NAT10: variants seen among roughly 807,000 people sequenced by gnomAD.
NAT10 encodes RNA cytidine acetyltransferase.
A neutral mutation model predicts 132.2 loss-of-function variants in NAT10; 109 were observed. The observed-to-expected ratio is 0.82, with a 90% CI of 0.71 to 0.97. The LOEUF (loss-of-function observed/expected upper bound fraction) is 0.97. NAT10 is among the 50% of genes least tolerant of loss of function. The pLI is 0.00. For missense variants in NAT10, 1,184 were observed against 1,263.4 expected, an observed-to-expected ratio of 0.94 and a Z score of 0.95; for synonymous variants, 479 against 478.0, an observed-to-expected ratio of 1.00 and a Z score of -0.03.
Position 34,135,241 on chromosome 11 carries a change from G to A in NAT10, c.1978G>A (p.Glu660Lys), listed in dbSNP as rs76447770. 2.5e-5 allele frequency: 41 copies of A among 1,614,172 alleles called. No homozygotes were observed. The East Asian group carries it at 8.7e-4, about 34-fold the overall frequency. ...MYYEGRFPCLEEKVLETPQEI... is the reference protein window; with the variant it reads ...MYYEGRFPCLKEKVLETPQEI... ...CTATGAAGGCAGGTTTCCTTGTCTG[G>A]AGGAAAAGGTCCTTGAGACACCACA... Residue 660 changes from glutamate to lysine, a missense_variant, in exon 19 of 29, where the codon GAG (glutamate) becomes AAG (lysine). Coordinates refer to ENST00000257829, the MANE Select transcript of NAT10 (RefSeq NM_024662.3).
chr11:34,140,546 G>A lies in NAT10; in HGVS notation c.2566G>A (p.Asp856Asn), dbSNP rs1325851226. The change falls in exon 24 of 29, where the codon GAC becomes AAC. Residue 856 changes from aspartate (D) to asparagine (N), a missense_variant. Asp to Asn is a conservative substitution (Grantham distance 23, BLOSUM62 1). Coordinates refer to ENST00000257829, the MANE Select transcript of NAT10 (RefSeq NM_024662.3). ...CATCTATTTCCTGAACCAGCTGGGGGACCTGGCCCTGTCTGCGGCTCAGTC... is the reference window on the plus strand; with the variant it reads ...CATCTATTTCCTGAACCAGCTGGGGAACCTGGCCCTGTCTGCGGCTCAGTC... ...SRIYFLNQLG[D>N]LALSAAQSAL... 1 of 1,614,106 alleles carries A rather than the reference G, an allele frequency of 6.2e-7. No homozygotes were observed. Among genetic ancestry groups the A allele is most frequent in the South Asian group, 1.1e-5 (1 of 91,078 alleles).
At chr11:34,108,701 C>G in intron 2 of NAT10, 41 bp from the exon 3 acceptor site, 1 of 1,573,942 alleles carries the variant, frequency 6.4e-7, no homozygotes, top group Non-Finnish European at 8.7e-7. Flanking sequence ...TCTCTAAAGT[C>G]TCTTTTGTGC....
intron 8 of NAT10, among the ~76,000 whole-genome samples, chr11:34,118,985 T>C (rs1320525792): frequency 1.3e-5 from 2 of 152,160 alleles, no homozygotes; most frequent in Non-Finnish European, 2.9e-5. Flanking sequence ...GAAATTTCAG[T>C]TAAGTTTTGA....
Position 34,112,180 on chromosome 11 carries a change from C to T in NAT10, c.329C>T (p.Thr110Ile). Residue 110 changes from threonine (T) to isoleucine (I), a missense_variant, in exon 4 of 29, where the codon ACC (threonine) becomes ATC (isoleucine). Coordinates refer to ENST00000257829, the MANE Select transcript of NAT10 (RefSeq NM_024662.3). ...TNIRYCYYNE[T>I]HKILGNTFGM... ...ATTCGCTACTGCTACTACAACGAGA[C>T]CCACAAGATCCTGGGCAATACCTTC... is the stretch of plus-strand genomic sequence containing the variant. The T allele has an allele frequency of 6.2e-7, 1 of 1,614,248 alleles. No homozygotes were observed. Among genetic ancestry groups the T allele is most frequent in the Non-Finnish European group, 8.5e-7 (1 of 1,180,048 alleles).
intron 1 of NAT10, among the ~76,000 whole-genome samples, chr11:34,107,885 A>G (rs1413879568): frequency 6.6e-6 from 1 of 152,238 alleles, no homozygotes; most frequent in Non-Finnish European, 1.5e-5. Flanking sequence ...AAAACAAACA[A>G]TGCTTTGGAT....
rs79275993 is a variant in NAT10 at position 34,106,110 on chromosome 11, C to G, written c.-16+318C>G. The G allele has an allele frequency of 4.9e-3, 753 of 152,936 alleles. 5 individuals carry two copies. Among genetic ancestry groups the G allele is most frequent in the Non-Finnish European group, 7.1e-3 (487 of 68,434 alleles). 9.5% of individuals were successfully genotyped at this position (152,936 alleles called of 1,614,324 possible). A position where few individuals can be genotyped will look rare whatever the true frequency, so the allele number is the denominator to read the frequency against. ...ACAGTTGTTTTCCGTGGAGCTTGCC[C>G]GCAGTGCCTGGCTGCAGGTCTGGGC... On this transcript the variant is annotated intron_variant, in intron 1 of 28. Transcript: ENST00000257829.
At chr11:34,107,333 A>G (rs1205200378) in intron 1 of NAT10, 1 of 152,208 alleles carries the variant, frequency 6.6e-6, no homozygotes. Context: ...TGTCTGTACA[A>G]AGGCTTCAAT....
chr11:34,146,032 G>A (rs1395380805), intron 28 of NAT10, 52 bp from the exon 29 acceptor site: 1 of 1,281,120 alleles, frequency 7.8e-7, no homozygotes, highest in Non-Finnish European at 1.1e-6. Context: ...AGCAGTCTCA[G>A]ATGTTCAGAT....
chr11:34,119,829 G>C (rs543341954), intron 8 of NAT10, among the ~76,000 whole-genome samples: 1 of 152,306 alleles, frequency 6.6e-6, no homozygotes, highest in East Asian at 1.9e-4. Context: ...AGTGCTCTTA[G>C]GGGATTCTTA....
chr11:34,135,098 A>G (rs1198786286), intron 18 of NAT10, 77 bp from the exon 19 acceptor site: 1 of 1,149,140 alleles, frequency 8.7e-7, no homozygotes, highest in Admixed American at 1.8e-5. Context: ...TCTAGAAGCA[A>G]TGCAGGGGAG....
intron 12 of NAT10, among the ~76,000 whole-genome samples, chr11:34,129,612 T>C (rs1439960678): frequency 2.2e-5 from 3 of 133,392 alleles, no homozygotes; most frequent in African/African-American, 8.8e-5. Context: ...TTTTTTTTTT[T>C]TTTTTTTTTT....
Position 34,132,218 on chromosome 11 carries a change from C to G in NAT10, c.1614C>G (p.Tyr538Ter). 1 of 1,612,208 alleles carries G rather than the reference C, an allele frequency of 6.2e-7. No homozygotes were observed. The highest frequency in any genetic ancestry group is 8.5e-7 in the Non-Finnish European group (1 of 1,178,246). The change falls in exon 15 of 29, where the codon TAC (tyrosine) becomes TAG (stop). Residue 538 changes from tyrosine to a stop codon, truncating the protein, a stop_gained. Transcript: ENST00000257829. LOFTEE classifies it high-confidence loss of function. ...TGGCCCTCTACGTGGCTTCTCACTACAAGGTAACTGCAGCTAGCCCTTGTG... is the reference window on the plus strand; with the variant it reads ...TGGCCCTCTACGTGGCTTCTCACTAGAAGGTAACTGCAGCTAGCCCTTGTG... ...RLMALYVASH[Y>*]KNSPNDLQML...
At chr11:34,113,607 A>T in intron 4 of NAT10, 109 bp from the exon 5 acceptor site, 4 of 1,338,164 alleles carry the variant, frequency 3.0e-6, no homozygotes, top group Non-Finnish European at 3.9e-6. Flanking sequence ...ACTGCACTCC[A>T]GCCTGGGCGA....
chr11:34,122,075 C>A, intron 8 of NAT10, among the ~76,000 whole-genome samples: 1 of 151,912 alleles, frequency 6.6e-6, no homozygotes, highest in Non-Finnish European at 1.5e-5. Context: ...ACTCAGGAGG[C>A]TGAGGCAGGA....
chr11:34,115,743 G>T, intron 5 of NAT10, 80 bp from the exon 6 acceptor site: 1 of 1,432,440 alleles, frequency 7.0e-7, no homozygotes, highest in Non-Finnish European at 9.7e-7. Context: ...ATGTCTCCTT[G>T]GATAGAGCTT....
chr11:34,142,383 C>A (rs370139756), intron 27 of NAT10, 35 bp downstream of exon 27: 1 of 1,589,722 alleles, frequency 6.3e-7, no homozygotes, highest in Non-Finnish European at 8.6e-7. Flanking sequence ...TTTGCCTTGG[C>A]TTCTGGGGCC....
In NAT10 at chr11:34,146,708, T is replaced by C. The variant is rs1354188604; in HGVS notation, c.*516T>C. 1.3e-5 allele frequency: 2 copies of C among 153,710 alleles called. No homozygotes were observed. The highest frequency in any genetic ancestry group is 4.8e-5 in the African/African-American group (2 of 41,426). The allele number at this position is 153,710 out of a possible 1,614,324, so 9.5% of individuals were successfully genotyped here. A position where few individuals can be genotyped will look rare whatever the true frequency, so the allele number is the denominator to read the frequency against. ...GGTGCGCCAGGGTTTGCTGATGTTGTCTTGTGCTGTTCCACTCTTGGCTCC... is the reference window on the plus strand; with the variant it reads ...GGTGCGCCAGGGTTTGCTGATGTTGCCTTGTGCTGTTCCACTCTTGGCTCC... On this transcript the variant is annotated 3_prime_UTR_variant, in exon 29 of 29. Transcript: ENST00000257829.
In NAT10 at chr11:34,108,756, T is replaced by C; in HGVS notation, c.123T>C (p.His41=). 1 of 1,612,842 alleles carries C rather than the reference T, an allele frequency of 6.2e-7. No individual in the cohort carries two copies. The highest frequency in any genetic ancestry group is 1.3e-5 in the African/African-American group (1 of 74,922). ...DRGKDQVVIL[H]HMLSKATVKA... is the part of the protein sequence containing the mutation. ...TTGTTTGGCAGGTGGTAATACTTCA[T>C]CACATGTTATCCAAAGCAACTGTGA... is the stretch of plus-strand genomic sequence containing the variant. The change falls in exon 3 of 29, where the codon CAT becomes CAC. Residue 41 remains histidine (H), a synonymous_variant. Coordinates refer to ENST00000257829, the MANE Select transcript of NAT10 (RefSeq NM_024662.3).
rs752568706 is a variant in NAT10, at chr11:34,112,092, A to G, written c.241A>G (p.Lys81Glu). The G allele has an allele frequency of 6.2e-7, 1 of 1,614,220 alleles. No homozygotes were observed. Among genetic ancestry groups the G allele is most frequent in the South Asian group, 1.1e-5 (1 of 91,080 alleles). ...KRMRQLQKKI[K>E]NGTLNIKQDD... ...AATGCGACAGCTGCAGAAGAAAATA[A>G]AGAATGGAACACTGAACATAAAGCA... The change falls in exon 4 of 29, where the codon AAG becomes GAG. Residue 81 changes from lysine to glutamate, a missense_variant. Lys to Glu is a moderately conservative substitution (Grantham distance 56, BLOSUM62 1). Transcript: ENST00000257829.
Sources: gnomAD v4.1 joint callset for allele counts (sites outside exome capture counted in the v4.1 genomes callset) on GRCh38, gnomAD v4.1.1 for gene constraint, MANE v1.5 for transcripts, NCBI Gene and HGNC (gene_info 2026-07-23, HGNC 2026-07-21) for gene names.